Variants in CNST observed in about 807,000 individuals in gnomAD.
CNST encodes consortin, connexin sorting protein.
A neutral mutation model predicts 72.4 loss-of-function variants in CNST; 39 were observed. The ratio of observed to expected loss-of-function variants is 0.54; its 90% CI spans 0.42 to 0.70. The LOEUF (loss-of-function observed/expected upper bound fraction) is 0.70, where lower values mean the gene tolerates loss of function less well. Ranked by LOEUF, CNST falls within the 30% of genes least tolerant of loss-of-function variation. The pLI is 0.00. For synonymous variants in CNST, 332 were observed against 320.1 expected, an observed-to-expected ratio of 1.04 and a Z score of -0.40; for missense variants, 871 against 868.5, an observed-to-expected ratio of 1.00 and a Z score of -0.04.
At chr1:246,653,408 G>A (rs1337637081) in intron 9 of CNST, among the ~76,000 whole-genome samples, 1 of 152,162 alleles carries the variant, frequency 6.6e-6, no homozygotes, top group Non-Finnish European at 1.5e-5. Context: ...CTATGGATCC[G>A]GAACAAAAGA....
chr1:246,600,808 C>T (rs898253121), intron 2 of CNST, among the ~76,000 whole-genome samples: 2 of 152,140 alleles, frequency 1.3e-5, no homozygotes, highest in Non-Finnish European at 2.9e-5. Flanking sequence ...GCTAGAGATA[C>T]AGATTTGGGA....
At chr1:246,632,789 A>G (rs1378537567) in intron 4 of CNST, among the ~76,000 whole-genome samples, 1 of 152,206 alleles carries the variant, frequency 6.6e-6, no homozygotes, top group Non-Finnish European at 1.5e-5. Context: ...TGGCAAGTTA[A>G]TTGAGTGTTT....
intron 2 of CNST, among the ~76,000 whole-genome samples, chr1:246,601,478 G>A (rs919719178): frequency 1.3e-5 from 2 of 151,932 alleles, no homozygotes; most frequent in African/African-American, 2.4e-5. Context: ...CCCTGGTGGA[G>A]TCCAGTGGGA....
intron 10 of CNST, among the ~76,000 whole-genome samples, chr1:246,664,162 C>T (rs969311822): frequency 5.9e-5 from 9 of 152,220 alleles, no homozygotes; most frequent in East Asian, 3.8e-4. Flanking sequence ...TAAATACTTA[C>T]ATCATATTCC....
At chr1:246,618,125 A>T (rs953271112) in intron 2 of CNST, among the ~76,000 whole-genome samples, 1 of 152,234 alleles carries the variant, frequency 6.6e-6, no homozygotes, top group African/African-American at 2.4e-5. Flanking sequence ...CTTACCTTCC[A>T]TTATCGTAAA....
At chr1:246,649,536 C>T (rs1328160550) in intron 9 of CNST, among the ~76,000 whole-genome samples, 1 of 152,094 alleles carries the variant, frequency 6.6e-6, no homozygotes, top group Non-Finnish European at 1.5e-5. Context: ...TCTGACTGTC[C>T]TTTCTCATGC....
In CNST at chr1:246,642,259, A is replaced by C. The variant is rs564766359; in HGVS notation, c.937+222A>C. Among the ~76,000 whole-genome samples, 26 of 151,818 alleles carry C rather than the reference A, an allele frequency of 1.7e-4. No individual in the cohort carries two copies. In the South Asian group the frequency reaches 5.2e-3, roughly 30 times the overall value. On this transcript the variant is annotated intron_variant, in intron 8 of 10. Coordinates refer to ENST00000366513, the MANE Select transcript of CNST (RefSeq NM_152609.3). Reference sequence around the variant, plus strand: ...AGACATCTATTAGTAGATACCATAAAATCTAAGTTCTTATAAAAACATAAA... The same window carrying C: ...AGACATCTATTAGTAGATACCATAACATCTAAGTTCTTATAAAAACATAAA...
chr1:246,600,387 A>C (rs1258484218), intron 2 of CNST, among the ~76,000 whole-genome samples: 1 of 152,228 alleles, frequency 6.6e-6, no homozygotes, highest in Admixed American at 6.5e-5. Context: ...AAGATTCCTC[A>C]GTCTGCAGTG....
chr1:246,621,691 G>C (rs1664102992), intron 3 of CNST, 57 bp downstream of exon 3: 2 of 1,436,902 alleles, frequency 1.4e-6, no homozygotes, highest in Non-Finnish European at 9.8e-7. Context: ...GCAGTGTTTG[G>C]AATGATCTAA....
At chr1:246,610,716 C>T (rs935702147) in intron 2 of CNST, among the ~76,000 whole-genome samples, 3 of 152,130 alleles carry the variant, frequency 2.0e-5, no homozygotes, top group African/African-American at 7.2e-5. Flanking sequence ...GCCAGGTCAT[C>T]TATAATTCTG....
chr1:246,626,393 A>G (rs1664436768), intron 3 of CNST, among the ~76,000 whole-genome samples: 1 of 146,834 alleles, frequency 6.8e-6, no homozygotes, highest in African/African-American at 2.5e-5. Flanking sequence ...CAGTTCTTGA[A>G]TCTCTTCTCA....
Position 246,591,836 on chromosome 1 carries a change from T to A in CNST, c.274T>A (p.Cys92Ser), listed in dbSNP as rs1172540830. 1 of 1,614,006 alleles carries A rather than the reference T, an allele frequency of 6.2e-7. No individual in the cohort carries two copies. Among genetic ancestry groups the A allele is most frequent in the Non-Finnish European group, 8.5e-7 (1 of 1,180,000 alleles). ...AGGTGAGAACTTGCAAAACACCCTTTGTGAAGCCTCCAGAGATGAACAGGC... is the reference window on the plus strand; with the variant it reads ...AGGTGAGAACTTGCAAAACACCCTTAGTGAAGCCTCCAGAGATGAACAGGC... ...AAGENLQNTL[C>S]EASRDEQAFL... Residue 92 changes from cysteine (C) to serine (S), a missense_variant, in exon 2 of 11, where the codon TGT becomes AGT. By Grantham distance (112) the Cys-to-Ser change is moderately radical (BLOSUM62 -1). Coordinates refer to ENST00000366513, the MANE Select transcript of CNST (RefSeq NM_152609.3).
chr1:246,615,657 T>A (rs1248149057), intron 2 of CNST, among the ~76,000 whole-genome samples: 1 of 150,716 alleles, frequency 6.6e-6, no homozygotes, highest in Non-Finnish European at 1.5e-5. Context: ...GGCAGGTGAA[T>A]CACCTGAGGT....
rs1159536992 is a variant in CNST, at chr1:246,585,705, ACACACAC to A, written c.-51-5806_-51-5800del. Among the ~76,000 whole-genome samples the A allele has an allele frequency of 3.8e-4, 51 of 134,228 alleles. 1 individual carries two copies. The highest frequency in any genetic ancestry group is 8.8e-4 in the Admixed American group (12 of 13,576). The allele number at this position is 134,228 out of a possible 152,430, so 88.1% of individuals were successfully genotyped here. On this transcript the variant is annotated intron_variant, in intron 1 of 10. Transcript: ENST00000366513. ...CACACACACACACACACACACACAC[ACACACAC>A]TATATATGTATACAGCATAAGTGCA...
intron 6 of CNST, among the ~76,000 whole-genome samples, chr1:246,641,523 G>A (rs2103119646): frequency 1.3e-5 from 2 of 152,032 alleles, no homozygotes; most frequent in Middle Eastern, 6.8e-3. Flanking sequence ...TTGCTTCTTT[G>A]GGGGTTTCCA....
intron 2 of CNST, among the ~76,000 whole-genome samples, chr1:246,615,131 A>G (rs962227795): frequency 6.6e-6 from 1 of 152,186 alleles, no homozygotes; most frequent in Non-Finnish European, 1.5e-5. Flanking sequence ...AAATTTCTCA[A>G]TCAAGGTAAT....
intron 1 of CNST, among the ~76,000 whole-genome samples, chr1:246,584,609 T>A (rs544179129): frequency 6.6e-6 from 1 of 152,130 alleles, no homozygotes; most frequent in South Asian, 2.1e-4. Flanking sequence ...CATGATGAGA[T>A]TGATTTGAAG....
At chr1:246,636,219 T>G (rs2103107970) in intron 6 of CNST, among the ~76,000 whole-genome samples, 1 of 152,026 alleles carries the variant, frequency 6.6e-6, no homozygotes, top group East Asian at 1.9e-4. Flanking sequence ...AGGCGTTGAC[T>G]GTTAGGGTTT....
rs777719164 is a variant in CNST at position 246,665,795 on chromosome 1, G to A, written c.2068G>A (p.Gly690Ser). 29 of 1,613,780 alleles carry A rather than the reference G, an allele frequency of 1.8e-5. No homozygotes were observed. The highest frequency in any genetic ancestry group is 2.2e-5 in the East Asian group (1 of 44,894). ...VGGTALYCTF[G>S]DMESPVCTDF... ...AGGAACTGCATTATACTGCACTTTC[G>A]GTGACATGGAGTCACCTGTTTGTAC... is the stretch of plus-strand genomic sequence containing the variant. The change falls in exon 11 of 11, where the codon GGT becomes AGT. Residue 690 changes from glycine (G) to serine (S), a missense_variant. Coordinates refer to ENST00000366513, the MANE Select transcript of CNST (RefSeq NM_152609.3).
Sources: gnomAD v4.1 joint callset for allele counts (sites outside exome capture counted in the v4.1 genomes callset) on GRCh38, gnomAD v4.1.1 for gene constraint, MANE v1.5 for transcripts, NCBI Gene and HGNC (gene_info 2026-07-23, HGNC 2026-07-21) for gene names.